Variants in SLC35F3 observed in about 807,000 individuals in gnomAD.
SLC35F3 encodes the protein putative thiamine transporter SLC35F3.
Under a neutral mutation model 49.9 loss-of-function variants are expected in SLC35F3, and 25 were observed. That is an observed-to-expected ratio of 0.50 (90% CI 0.37 to 0.70). The LOEUF (loss-of-function observed/expected upper bound fraction) is 0.70. SLC35F3 is among the 30% of genes least tolerant of loss of function. The pLI is 0.00. For missense variants in SLC35F3, 525 were observed against 639.8 expected (o/e 0.82, Z 1.94); for synonymous variants, 275 against 265.4 (o/e 1.04, Z -0.35).
chr1:234,123,740 A>G (rs554985655), intron 2 of SLC35F3, among the ~76,000 whole-genome samples: 92 of 152,172 alleles, frequency 6.0e-4, no homozygotes, highest in African/African-American at 2.1e-3. Flanking sequence ...CTAATCCAAC[A>G]CTTCTTGCAA....
chr1:234,167,139 C>T (rs905587850), intron 2 of SLC35F3, among the ~76,000 whole-genome samples: 1 of 152,216 alleles, frequency 6.6e-6, no homozygotes, highest in South Asian at 2.1e-4. Flanking sequence ...TTTTCATTCT[C>T]CTGTCTTTCC....
intron 2 of SLC35F3, among the ~76,000 whole-genome samples, chr1:234,195,647 T>C (rs926799830): frequency 2.6e-5 from 4 of 152,154 alleles, no homozygotes; most frequent in African/African-American, 9.7e-5. Flanking sequence ...AACCCATTAA[T>C]ACCCCCCTGC....
At chr1:234,020,998 C>T (rs563768296) in intron 2 of SLC35F3, among the ~76,000 whole-genome samples, 1 of 152,312 alleles carries the variant, frequency 6.6e-6, no homozygotes, top group South Asian at 2.1e-4. Context: ...AAAGGCATAG[C>T]TGCGGAGATT....
chr1:234,133,409 A>T (rs146510108), intron 2 of SLC35F3, among the ~76,000 whole-genome samples: 1 of 152,128 alleles, frequency 6.6e-6, no homozygotes, highest in Non-Finnish European at 1.5e-5. Flanking sequence ...TCCACACTAC[A>T]TGGAAGACCA....
At chr1:234,131,171 G>A (rs1391303118) in intron 2 of SLC35F3, among the ~76,000 whole-genome samples, 1 of 130,526 alleles carries the variant, frequency 7.7e-6, no homozygotes, top group African/African-American at 2.5e-5. Flanking sequence ...CTGAGGTTGT[G>A]GTGATGTTCT....
At chr1:234,031,919 A>G (rs1214972132) in intron 2 of SLC35F3, among the ~76,000 whole-genome samples, 7 of 152,210 alleles carry the variant, frequency 4.6e-5, no homozygotes, top group Admixed American at 4.6e-4. Flanking sequence ...TTTATGTATT[A>G]TGGACAAATA....
intron 4 of SLC35F3, among the ~76,000 whole-genome samples, chr1:234,316,203 A>T (rs1384628788): frequency 6.6e-6 from 1 of 152,222 alleles, no homozygotes; most frequent in Non-Finnish European, 1.5e-5. Context: ...TACTTTCAGA[A>T]GGCTGGGGAA....
At chr1:234,287,477 A>G (rs1398264337) in intron 3 of SLC35F3, among the ~76,000 whole-genome samples, 3 of 152,218 alleles carry the variant, frequency 2.0e-5, no homozygotes, top group Non-Finnish European at 4.4e-5. Flanking sequence ...GGAGGGGTAT[A>G]TGTACTTCCA....
intron 2 of SLC35F3, among the ~76,000 whole-genome samples, chr1:233,949,603 C>A (rs894114007): frequency 6.6e-6 from 1 of 152,180 alleles, no homozygotes; most frequent in Non-Finnish European, 1.5e-5. Context: ...CAGGACCATG[C>A]TGTTTACAGA....
intron 3 of SLC35F3, among the ~76,000 whole-genome samples, chr1:234,232,414 T>C (rs1213906914): frequency 6.8e-6 from 1 of 146,922 alleles, no homozygotes; most frequent in African/African-American, 2.5e-5. Flanking sequence ...ACACTGTAGG[T>C]GTTGACCCGT....
At chr1:234,059,085 T>C (rs1664499106) in intron 2 of SLC35F3, among the ~76,000 whole-genome samples, 1 of 152,188 alleles carries the variant, frequency 6.6e-6, no homozygotes, top group Non-Finnish European at 1.5e-5. Flanking sequence ...GTCTAGCTAC[T>C]AAAAGTTTGT....
intron 2 of SLC35F3, among the ~76,000 whole-genome samples, chr1:234,155,669 A>C (rs1666140475): frequency 6.6e-6 from 1 of 151,960 alleles, no homozygotes. Flanking sequence ...AAAGTAAGGG[A>C]TCTAATGACA....
intron 2 of SLC35F3, among the ~76,000 whole-genome samples, chr1:234,206,883 A>G (rs898579392): frequency 6.6e-6 from 1 of 152,122 alleles, no homozygotes; most frequent in Non-Finnish European, 1.5e-5. Flanking sequence ...GCCTGTGCTC[A>G]GGAATAACTA....
At chr1:234,196,715 G>A (rs530175123) in intron 2 of SLC35F3, among the ~76,000 whole-genome samples, 32 of 152,328 alleles carry the variant, frequency 2.1e-4, no homozygotes, top group Admixed American at 6.5e-4. Flanking sequence ...TGAGGTGGGC[G>A]GATCACCTGA....
At chr1:234,179,767 T>C (rs952843638) in intron 2 of SLC35F3, among the ~76,000 whole-genome samples, 1 of 152,130 alleles carries the variant, frequency 6.6e-6, no homozygotes, top group African/African-American at 2.4e-5. Context: ...TCAGGTTCAA[T>C]TAAAGAGGAG....
At position 234,186,750 on chromosome 1, in the gene SLC35F3, A is replaced by T. The variant is rs577208449; in HGVS notation, c.284-44667A>T. Among the ~76,000 whole-genome samples the T allele has an allele frequency of 4.0e-4, 61 of 152,324 alleles. No individual in the cohort carries two copies. In the South Asian group the frequency reaches 9.3e-3, roughly 23 times the overall value. Reference sequence around the variant, plus strand: ...GTAAAGTCAACATGCTGGACCAGGTATCCCATGTACATTAGCTCCTTTAAA... The same window carrying T: ...GTAAAGTCAACATGCTGGACCAGGTTTCCCATGTACATTAGCTCCTTTAAA... On this transcript the variant is annotated intron_variant, in intron 2 of 7. Transcript: ENST00000366618.
chr1:234,194,382 G>C (rs564601997), intron 2 of SLC35F3, among the ~76,000 whole-genome samples: 1 of 152,200 alleles, frequency 6.6e-6, no homozygotes, highest in Non-Finnish European at 1.5e-5. Flanking sequence ...ACTCATAAGT[G>C]GGAGCTAAGC....
intron 2 of SLC35F3, among the ~76,000 whole-genome samples, chr1:234,013,693 T>G (rs1338602293): frequency 6.6e-6 from 1 of 151,898 alleles, no homozygotes; most frequent in African/African-American, 2.4e-5. Context: ...TTCTAAGAGA[T>G]TACTATGAAT....
At chr1:234,100,298 C>G (rs578088263) in intron 2 of SLC35F3, among the ~76,000 whole-genome samples, 1 of 152,316 alleles carries the variant, frequency 6.6e-6, no homozygotes, top group East Asian at 1.9e-4. Context: ...ATTTCTCCAA[C>G]GTCTGCCGAG....
Sources: gnomAD v4.1 joint callset for allele counts (sites outside exome capture counted in the v4.1 genomes callset) on GRCh38, gnomAD v4.1.1 for gene constraint, MANE v1.5 for transcripts, NCBI Gene and HGNC (gene_info 2026-07-23, HGNC 2026-07-21) for gene names.